The following SLC44A5 variants were observed in gnomAD, a reference collection of about 807,000 sequenced individuals.
The protein encoded by SLC44A5 is solute carrier family 44 member 5.
SLC44A5 carries 57 observed loss-of-function variants against 101.8 expected under a neutral mutation model. The observed-to-expected ratio is 0.56, with a 90% CI of 0.45 to 0.70. The LOEUF (loss-of-function observed/expected upper bound fraction) is 0.70. SLC44A5 is among the 30% of genes least tolerant of loss of function. The probability of loss-of-function intolerance (pLI) is 0.00; values close to 1 mark genes in which losing one functional copy is unlikely to be tolerated. For synonymous variants in SLC44A5, 281 were observed against 290.9 expected (o/e 0.97, Z 0.35); for missense variants, 737 against 853.1 (o/e 0.86, Z 1.70).
intron 1 of SLC44A5, among the ~76,000 whole-genome samples, chr1:75,572,877 C>T (rs1020047955): frequency 3.3e-5 from 5 of 151,806 alleles, no homozygotes; most frequent in Non-Finnish European, 5.9e-5. Context: ...AATACCAGCA[C>T]TTTGGGAGGC....
intron 2 of SLC44A5, among the ~76,000 whole-genome samples, chr1:75,446,947 A>G (rs1035559873): frequency 6.6e-6 from 1 of 152,190 alleles, no homozygotes; most frequent in Admixed American, 6.6e-5. Flanking sequence ...GCAATCATTC[A>G]TTCATCAGCA....
intron 3 of SLC44A5, among the ~76,000 whole-genome samples, chr1:75,369,102 T>A (rs1660056862): frequency 6.6e-6 from 1 of 151,954 alleles, no homozygotes; most frequent in South Asian, 2.1e-4. Context: ...CAGCCTCCAA[T>A]TCCTGGGCTC....
intron 1 of SLC44A5, among the ~76,000 whole-genome samples, chr1:75,569,635 T>A (rs1672969805): frequency 1.3e-5 from 2 of 151,986 alleles, no homozygotes; most frequent in Admixed American, 6.5e-5. Context: ...CACGTATAAC[T>A]CATTATTCTA....
At chr1:75,651,198 T>G in the SLC44A5 span, among the ~76,000 whole-genome samples, 5 of 152,176 alleles carry the variant, frequency 3.3e-5, no homozygotes, top group African/African-American at 4.8e-5. Context: ...TTCCTAACTA[T>G]GCTAAATTGT....
intron 2 of SLC44A5, among the ~76,000 whole-genome samples, chr1:75,508,839 A>G (rs1055410144): frequency 6.6e-6 from 1 of 152,258 alleles, no homozygotes; most frequent in Non-Finnish European, 1.5e-5. Context: ...ATGAGAGAAT[A>G]ATTTAGGGAA....
At chr1:75,219,917 T>C in intron 14 of SLC44A5, 25 bp from the exon 15 acceptor site, 1 of 1,477,994 alleles carries the variant, frequency 6.8e-7, no homozygotes, top group Non-Finnish European at 9.4e-7. Context: ...ATAGTTGAAA[T>C]TCAATTGTTA....
intron 5 of SLC44A5, among the ~76,000 whole-genome samples, chr1:75,277,385 A>C (rs1174822110): frequency 6.6e-6 from 1 of 152,194 alleles, no homozygotes; most frequent in East Asian, 1.9e-4. Context: ...AATGGTATAG[A>C]TAGCTGCAGC....
chr1:75,487,797 G>A (rs934573916), intron 2 of SLC44A5, among the ~76,000 whole-genome samples: 7 of 152,132 alleles, frequency 4.6e-5, no homozygotes, highest in Admixed American at 4.6e-4. Context: ...TAGCCCAGGG[G>A]TCCCCAGTCC....
intron 3 of SLC44A5, among the ~76,000 whole-genome samples, chr1:75,373,770 C>T (rs1660384330): frequency 6.6e-6 from 1 of 152,086 alleles, no homozygotes; most frequent in Non-Finnish European, 1.5e-5. Flanking sequence ...GAGTGTTTTG[C>T]CAGCTGTCTG....
chr1:75,315,198 G>C (rs2100931563), intron 4 of SLC44A5, among the ~76,000 whole-genome samples: 1 of 152,068 alleles, frequency 6.6e-6, no homozygotes, highest in African/African-American at 2.4e-5. Flanking sequence ...AAAGAAGAAA[G>C]GGAAACAGAA....
the SLC44A5 span, among the ~76,000 whole-genome samples, chr1:75,684,874 A>C: frequency 1.3e-5 from 2 of 152,210 alleles, no homozygotes; most frequent in Non-Finnish European, 2.9e-5. Flanking sequence ...GCAGTGCCCC[A>C]GTGGGGATTC....
intron 1 of SLC44A5, among the ~76,000 whole-genome samples, chr1:75,607,132 C>T (rs1445363921): frequency 2.0e-5 from 3 of 151,952 alleles, no homozygotes; most frequent in African/African-American, 7.2e-5. Context: ...ATTTCAAACC[C>T]AAATGTGTCC....
the SLC44A5 span, among the ~76,000 whole-genome samples, chr1:75,699,162 G>C: frequency 6.6e-6 from 1 of 152,006 alleles, no homozygotes. Flanking sequence ...ACACCACAAA[G>C]ATACTCCTCG....
chr1:75,624,898 C>T, the SLC44A5 span, among the ~76,000 whole-genome samples: 1 of 152,050 alleles, frequency 6.6e-6, no homozygotes, highest in Non-Finnish European at 1.5e-5. Context: ...TTTATATCTC[C>T]TCAGGGTCAC....
the SLC44A5 span, among the ~76,000 whole-genome samples, chr1:75,671,816 T>C: frequency 6.6e-6 from 1 of 152,222 alleles, no homozygotes; most frequent in South Asian, 2.1e-4. Flanking sequence ...TGTATTCTGA[T>C]ACAGGCTGAA....
chr1:75,355,102 G>T (rs537789116), intron 3 of SLC44A5, among the ~76,000 whole-genome samples: 37 of 152,238 alleles, frequency 2.4e-4, no homozygotes, highest in African/African-American at 7.7e-4. Flanking sequence ...TATACATTTA[G>T]TCAAAACTTT....
At chr1:75,587,513 T>C (rs972366052) in intron 1 of SLC44A5, among the ~76,000 whole-genome samples, 1 of 152,216 alleles carries the variant, frequency 6.6e-6, no homozygotes, top group African/African-American at 2.4e-5. Context: ...ACTTAATCAC[T>C]GCTTTCTCAT....
chr1:75,453,020 C>T lies in SLC44A5; in HGVS notation c.14-56399G>A, dbSNP rs1665992178. On this transcript the variant is annotated intron_variant, in intron 2 of 23. Transcript: ENST00000370859. The stretch of plus-strand genomic sequence containing the variant: ...ACAAAGAAATTCTAGACTAAAAGTT[C>T]AACACTTCACCAATTAGACCTAATA... Among the ~76,000 whole-genome samples, 3 of 152,194 alleles carry T rather than the reference C, an allele frequency of 2.0e-5. No individual in the cohort carries two copies. The South Asian group carries it at 6.2e-4, about 32-fold the overall frequency.
At chr1:75,429,760 G>A (rs773413320) in intron 2 of SLC44A5, among the ~76,000 whole-genome samples, 14 of 152,110 alleles carry the variant, frequency 9.2e-5, no homozygotes, top group Admixed American at 2.6e-4. Context: ...GCCAGATCTC[G>A]TGTGAACTCA....
Sources: gnomAD v4.1 joint callset for allele counts (sites outside exome capture counted in the v4.1 genomes callset) on GRCh38, gnomAD v4.1.1 for gene constraint, MANE v1.5 for transcripts, NCBI Gene and HGNC (gene_info 2026-07-23, HGNC 2026-07-21) for gene names.